Variants in GSTCD observed in about 807,000 individuals in gnomAD.
The protein encoded by GSTCD is glutathione S-transferase C-terminal domain containing.
A neutral mutation model predicts 68.3 loss-of-function variants in GSTCD; 44 were observed. That is an observed-to-expected ratio of 0.64 (90% CI 0.51 to 0.83). The LOEUF is 0.83. GSTCD is among the 40% of genes least tolerant of loss of function. The pLI is 0.00. For synonymous variants in GSTCD, 273 were observed against 255.2 expected, an observed-to-expected ratio of 1.07 and a Z score of -0.67; for missense variants, 739 against 735.9, an observed-to-expected ratio of 1.00 and a Z score of -0.05.
chr4:105,806,686 A>G (rs932024843), intron 5 of GSTCD, among the ~76,000 whole-genome samples: 1 of 152,108 alleles, frequency 6.6e-6, no homozygotes, highest in Non-Finnish European at 1.5e-5. Flanking sequence ...AGTATTTCAT[A>G]TCATCTCTTC....
At chr4:105,821,521 G>C (rs1412737703) in intron 5 of GSTCD, among the ~76,000 whole-genome samples, 1 of 151,838 alleles carries the variant, frequency 6.6e-6, no homozygotes, top group African/African-American at 2.4e-5. Flanking sequence ...TCAGAGTATT[G>C]ACTTAAATAT....
chr4:105,760,782 C>CTATTGATGGATTGG (rs1312489788), intron 5 of GSTCD, among the ~76,000 whole-genome samples: 2 of 152,052 alleles, frequency 1.3e-5, no homozygotes, highest in African/African-American at 4.8e-5. Flanking sequence ...GTAATGCCAG[C>CTATTGATGGATTGG]TATTGATGGA....
intron 9 of GSTCD, among the ~76,000 whole-genome samples, chr4:105,835,901 G>A (rs978258461): frequency 1.3e-5 from 2 of 152,136 alleles, no homozygotes; most frequent in Non-Finnish European, 2.9e-5. Flanking sequence ...TGTCTGCTCA[G>A]CTCTCAGCCG....
At chr4:105,782,851 A>C (rs1430579691) in intron 5 of GSTCD, among the ~76,000 whole-genome samples, 2 of 152,208 alleles carry the variant, frequency 1.3e-5, no homozygotes, top group Admixed American at 6.5e-5. Flanking sequence ...TCATATGTAG[A>C]TAGTTTATTT....
intron 5 of GSTCD, among the ~76,000 whole-genome samples, chr4:105,807,707 A>G (rs563882662): frequency 6.6e-6 from 1 of 152,234 alleles, no homozygotes. Context: ...AGTATACCAC[A>G]GCAGGGAGCA....
chr4:105,798,908 T>A (rs1736002060), intron 5 of GSTCD, among the ~76,000 whole-genome samples: 1 of 152,228 alleles, frequency 6.6e-6, no homozygotes, highest in Non-Finnish European at 1.5e-5. Flanking sequence ...TTTCTGGATA[T>A]GAAAGTCCTA....
chr4:105,747,060 CT>C (rs1381663612), intron 5 of GSTCD, among the ~76,000 whole-genome samples: 1 of 152,210 alleles, frequency 6.6e-6, no homozygotes, highest in African/African-American at 2.4e-5. Context: ...TAAAGGCAGC[CT>C]TTTCCCCTAT....
At chr4:105,750,460 C>CAA (rs1024094979) in intron 5 of GSTCD, among the ~76,000 whole-genome samples, 602 of 51,188 alleles carry the variant, frequency 0.012, 7 homozygotes, top group African/African-American at 0.035. Flanking sequence ...AACTCCGTCT[C>CAA]AAAAAAAAAA....
At chr4:105,734,794 T>C (rs996945070) in intron 5 of GSTCD, among the ~76,000 whole-genome samples, 13 of 152,184 alleles carry the variant, frequency 8.5e-5, no homozygotes, top group Admixed American at 2.0e-4. Context: ...CTCTGTTTTT[T>C]CCCCACCTTT....
chr4:105,729,054 A>G (rs1002639357), intron 4 of GSTCD, among the ~76,000 whole-genome samples: 4 of 151,908 alleles, frequency 2.6e-5, no homozygotes, highest in African/African-American at 9.7e-5. Context: ...TTTTTTTATT[A>G]TTTCTATGTG....
intron 10 of GSTCD, among the ~76,000 whole-genome samples, chr4:105,840,480 C>A (rs1215551877): frequency 1.3e-5 from 2 of 152,202 alleles, no homozygotes; most frequent in Non-Finnish European, 2.9e-5. Context: ...TTGCCACAAT[C>A]ATTTCACTTA....
chr4:105,816,185 G>A (rs1221428851), intron 5 of GSTCD, among the ~76,000 whole-genome samples: 1 of 152,044 alleles, frequency 6.6e-6, no homozygotes, highest in African/African-American at 2.4e-5. Context: ...TTTAGTTATT[G>A]ACTTTTTAAA....
intron 2 of GSTCD, 57 bp downstream of exon 2, chr4:105,718,096 C>G: frequency 2.3e-6 from 3 of 1,322,170 alleles, no homozygotes; most frequent in South Asian, 2.9e-5. Flanking sequence ...ACATAATTAC[C>G]TGACCATTTA....
rs57039503 is a variant in GSTCD, at chr4:105,769,233, G to GCA, written c.1240+39774_1240+39775dup. ...TTTTAAAAATATACTATACACGCGC[G>GCA]CACACACACACACACACACACACAC... On this transcript the variant is annotated intron_variant, in intron 5 of 11. Transcript: ENST00000515279. 4.2e-3 allele frequency among the ~76,000 whole-genome samples: 618 copies of GCA among 146,330 alleles called. 3 individuals carry two copies. Among genetic ancestry groups the GCA allele is most frequent in the Middle Eastern group, 0.014 (4 of 284 alleles).
chr4:105,771,013 C>T (rs1163463547), intron 5 of GSTCD, among the ~76,000 whole-genome samples: 2 of 152,174 alleles, frequency 1.3e-5, no homozygotes, highest in African/African-American at 2.4e-5. Context: ...TCCTATTTCT[C>T]CATATCCTCT....
At chr4:105,790,530 A>C (rs975066560) in intron 5 of GSTCD, among the ~76,000 whole-genome samples, 1 of 152,018 alleles carries the variant, frequency 6.6e-6, no homozygotes, top group Non-Finnish European at 1.5e-5. Context: ...AGCCCCAGCT[A>C]CTCAGGAGGC....
chr4:105,823,005 T>A lies in GSTCD; in HGVS notation c.1292T>A (p.Leu431His), dbSNP rs1376299665. The A allele has an allele frequency of 1.2e-6, 2 of 1,613,900 alleles. No individual in the cohort carries two copies. The highest frequency in any genetic ancestry group is 2.7e-5 in the African/African-American group (2 of 75,042). Reference sequence around the variant, plus strand: ...AGGAAGCAGCAACAGTTGAACAACCTTGTCTATGTGGTAACAAATCAGGCC... The same window carrying A: ...AGGAAGCAGCAACAGTTGAACAACCATGTCTATGTGGTAACAAATCAGGCC... ...ALRKQQQLNN[L>H]VYVVTNQAKP... Residue 431 changes from leucine to histidine, a missense_variant, in exon 6 of 12, where the codon CTT becomes CAT. Physicochemically the swap from Leu to His is moderately conservative, Grantham distance 99. Transcript: ENST00000515279.
intron 5 of GSTCD, among the ~76,000 whole-genome samples, chr4:105,789,194 C>T (rs190185879): frequency 3.3e-5 from 5 of 152,220 alleles, no homozygotes; most frequent in South Asian, 2.1e-4. Context: ...CTCAAAAGCT[C>T]GTTTAAACCA....
intron 5 of GSTCD, among the ~76,000 whole-genome samples, chr4:105,818,240 G>A (rs964067377): frequency 1.3e-5 from 2 of 151,690 alleles, no homozygotes; most frequent in Admixed American, 1.3e-4. Context: ...GTTATTTTGG[G>A]TAGTAACAAA....
Sources: gnomAD v4.1 joint callset for allele counts (sites outside exome capture counted in the v4.1 genomes callset) on GRCh38, gnomAD v4.1.1 for gene constraint, MANE v1.5 for transcripts, NCBI Gene and HGNC (gene_info 2026-07-23, HGNC 2026-07-21) for gene names.